IFI44L: variants seen among roughly 807,000 people sequenced by gnomAD.
The protein encoded by IFI44L is interferon-induced protein 44-like.
Under a neutral mutation model 39.3 loss-of-function variants are expected in IFI44L, and 40 were observed. That is an observed-to-expected ratio of 1.02 (90% CI 0.79 to 1.33). The LOEUF (loss-of-function observed/expected upper bound fraction) is 1.33, where lower values mean the gene tolerates loss of function less well. Ranked by LOEUF, IFI44L falls within the 40% of genes most tolerant of loss-of-function variation. IFI44L has a pLI of 0.00. For synonymous variants in IFI44L, 198 were observed against 182.3 expected (o/e 1.09, Z -0.69); for missense variants, 623 against 549.0 (o/e 1.13, Z -1.35).
chr1:78,623,146 A>G (rs181348128), intron 1 of IFI44L, among the ~76,000 whole-genome samples: 1 of 152,326 alleles, frequency 6.6e-6, no homozygotes, highest in Admixed American at 6.5e-5. Flanking sequence ...AGATGATTAT[A>G]CTTCCTTTAT....
chr1:78,622,122 A>G (rs983218336), intron 1 of IFI44L, among the ~76,000 whole-genome samples: 1 of 152,066 alleles, frequency 6.6e-6, no homozygotes, highest in African/African-American at 2.4e-5. Flanking sequence ...AGTATTTATC[A>G]TTATACTATC....
rs780017248 is a variant in IFI44L, at chr1:78,641,795, C to T, written c.1345C>T (p.Gln449Ter). The part of the protein sequence containing the change: ...EETGAIERAL[Q>*]PCI ...TTCAGGTGCAATTGAGAGAGCGTTACAGCCCTGCATTTGAGATAAGTTGCC... is the reference window on the plus strand; with the variant it reads ...TTCAGGTGCAATTGAGAGAGCGTTATAGCCCTGCATTTGAGATAAGTTGCC... The change falls in exon 9 of 9, where the codon CAG becomes TAG. Residue 449 changes from glutamine (Q) to a stop codon, truncating the protein, a stop_gained. Coordinates refer to ENST00000370751, the MANE Select transcript of IFI44L (RefSeq NM_006820.4). LOFTEE classifies it high-confidence loss of function. 3 of 1,613,694 alleles carry T rather than the reference C, an allele frequency of 1.9e-6. No individual in the cohort carries two copies. The highest frequency in any genetic ancestry group is 1.7e-5 in the Admixed American group (1 of 60,004).
In IFI44L at chr1:78,638,951, C is replaced by T. The variant is rs370131102; in HGVS notation, c.1048+1748C>T. 2.0e-4 allele frequency among the ~76,000 whole-genome samples: 31 copies of T among 152,196 alleles called. No individual in the cohort carries two copies. In the South Asian group the frequency reaches 5.8e-3, roughly 28 times the overall value. ...CTGGATCTTACATCTTGTGTTTTAGCAAACATATTCTGATACTGGTAAGAT... is the reference window on the plus strand; with the variant it reads ...CTGGATCTTACATCTTGTGTTTTAGTAAACATATTCTGATACTGGTAAGAT... On this transcript the variant is annotated intron_variant, in intron 6 of 8. Coordinates refer to ENST00000370751, the MANE Select transcript of IFI44L (RefSeq NM_006820.4).
Position 78,641,598 on chromosome 1 carries a change from T to C in IFI44L, c.1313T>C (p.Leu438Pro). The change falls in exon 8 of 9, where the codon CTT (leucine) becomes CCT (proline). Residue 438 changes from leucine (L) to proline (P), a missense_variant. Coordinates refer to ENST00000370751, the MANE Select transcript of IFI44L (RefSeq NM_006820.4). The stretch of plus-strand genomic sequence containing the variant: ...GATGATTTTTTAGAAGATTTGCCTC[T>C]TGAGGAAACTGGTAATCTGGCCCTT... Reference protein sequence around the residue: ...AADDFLEDLPLEETGAIERAL... With the variant: ...AADDFLEDLPPEETGAIERAL... 3 of 1,613,492 alleles carry C rather than the reference T, an allele frequency of 1.9e-6. No homozygotes were observed. The highest frequency in any genetic ancestry group is 2.5e-6 in the Non-Finnish European group (3 of 1,179,536).
In IFI44L at chr1:78,643,548, A is replaced by G. The variant is rs561092006; in HGVS notation, c.*1739A>G. On this transcript the variant is annotated 3_prime_UTR_variant, in exon 9 of 9. Transcript: ENST00000370751. ...AAGAGAAAGGCAGGTAAGGTGCTGAAGGTCTGGAGCTGCTGATTTGTTGGG... is the reference window on the plus strand; with the variant it reads ...AAGAGAAAGGCAGGTAAGGTGCTGAGGGTCTGGAGCTGCTGATTTGTTGGG... 1 of 152,120 alleles carries G rather than the reference A, an allele frequency of 6.6e-6. No homozygotes were observed. The highest frequency in any genetic ancestry group is 6.6e-5 in the Admixed American group (1 of 15,266). 9.4% of individuals were successfully genotyped at this position (152,120 alleles called of 1,614,324 possible). A position where few individuals can be genotyped will look rare whatever the true frequency, so the allele number is the denominator to read the frequency against.
rs546691087 is a variant in IFI44L at position 78,628,292 on chromosome 1, G to C, written c.377G>C (p.Arg126Pro). Reference protein sequence around the residue: ...LSKTDIFIICRDNKIYLDKMI... With the variant: ...LSKTDIFIICPDNKIYLDKMI... ...AAAACGGATATTTTCATTATATGTC[G>C]AGATAATAAAATTTATCTAGATAAA... The change falls in exon 2 of 9, where the codon CGA becomes CCA. Residue 126 changes from arginine (R) to proline (P), a missense_variant. Arg to Pro is a moderately radical substitution (Grantham distance 103). Coordinates refer to ENST00000370751, the MANE Select transcript of IFI44L (RefSeq NM_006820.4). 1.9e-6 allele frequency: 3 copies of C among 1,603,064 alleles called. No individual in the cohort carries two copies. The South Asian group carries it at 3.3e-5, about 18-fold the overall frequency.
chr1:78,632,128 C>A (rs375605554), intron 4 of IFI44L, among the ~76,000 whole-genome samples: 202 of 152,210 alleles, frequency 1.3e-3, no homozygotes, highest in African/African-American at 4.7e-3. Context: ...GTTAACTGAA[C>A]TTTTTTTAAA....
rs1305219603 is a variant in IFI44L at position 78,628,030 on chromosome 1, G to A, written c.115G>A (p.Asp39Asn). 1.2e-6 allele frequency: 2 copies of A among 1,613,258 alleles called. No homozygotes were observed. Among genetic ancestry groups the A allele is most frequent in the Non-Finnish European group, 1.7e-6 (2 of 1,179,476 alleles). The part of the protein sequence containing the change: ...KSSVHGGSIE[D>N]MVERCSRQGC... ...TAGTGTTCATGGAGGTAGCATTGAA[G>A]ATATGGTTGAAAGATGCAGCCGTCA... is the stretch of plus-strand genomic sequence containing the variant. The change falls in exon 2 of 9, where the codon GAT becomes AAT. Residue 39 changes from aspartate to asparagine, a missense_variant. Physicochemically the swap from Asp to Asn is conservative, Grantham distance 23. Transcript: ENST00000370751.
chr1:78,641,589 A>T lies in IFI44L; in HGVS notation c.1304A>T (p.Asp435Val). Residue 435 changes from aspartate to valine, a missense_variant, in exon 8 of 9, where the codon GAT (aspartate) becomes GTT (valine). By Grantham distance (152) the Asp-to-Val change is radical (BLOSUM62 -3). Coordinates refer to ENST00000370751, the MANE Select transcript of IFI44L (RefSeq NM_006820.4). ...MLRAADDFLE[D>V]LPLEETGAIE... ...CGGGCTGCAGATGATTTTTTAGAAG[A>T]TTTGCCTCTTGAGGAAACTGGTAAT... The T allele has an allele frequency of 6.2e-7, 1 of 1,613,480 alleles. No homozygotes were observed. Among genetic ancestry groups the T allele is most frequent in the Non-Finnish European group, 8.5e-7 (1 of 1,179,578 alleles).
chr1:78,639,594 C>G (rs1653081634), intron 6 of IFI44L, among the ~76,000 whole-genome samples: 1 of 152,026 alleles, frequency 6.6e-6, no homozygotes, highest in South Asian at 2.1e-4. Flanking sequence ...TTTCTTGGGT[C>G]TCAAGGTCTC....
rs1652553603 is a variant in IFI44L at position 78,627,928 on chromosome 1, A to G, written c.13A>G (p.Thr5Ala). ...TAGATATAGAACAATGGAAGTGACA[A>G]CAAGATTGACATGGAATGATGAAAA... is the stretch of plus-strand genomic sequence containing the variant. Reference protein sequence around the residue: MEVTTRLTWNDENHL... With the variant: MEVTARLTWNDENHL... The change falls in exon 2 of 9, where the codon ACA becomes GCA. Residue 5 changes from threonine (T) to alanine (A), a missense_variant. Transcript: ENST00000370751. The G allele has an allele frequency of 1.3e-6, 2 of 1,594,438 alleles. No individual in the cohort carries two copies. The highest frequency in any genetic ancestry group is 2.3e-5 in the East Asian group (1 of 44,352).
At chr1:78,628,716 T>C (rs2100484681) in intron 2 of IFI44L, 1 of 530,522 alleles carries the variant, frequency 1.9e-6, no homozygotes, top group Admixed American at 3.6e-5. Flanking sequence ...ATCAGACCCT[T>C]ATATGACCCT....
chr1:78,633,648 A>T (rs1455290244), intron 4 of IFI44L, among the ~76,000 whole-genome samples: 9 of 152,208 alleles, frequency 5.9e-5, no homozygotes, highest in Admixed American at 5.9e-4. Flanking sequence ...ATGTTTATAC[A>T]TTGACACATT....
intron 1 of IFI44L, chr1:78,626,237 A>G (rs1652482137): frequency 6.6e-6 from 1 of 151,864 alleles, no homozygotes; most frequent in African/African-American, 2.4e-5. Flanking sequence ...TCAGATATAT[A>G]TTTTTACATA....
rs533027357 is a variant in IFI44L at position 78,640,170 on chromosome 1, T to A, written c.1049-851T>A. 2.0e-5 allele frequency among the ~76,000 whole-genome samples: 3 copies of A among 152,276 alleles called. No homozygotes were observed. In the South Asian group the frequency reaches 6.2e-4, roughly 32 times the overall value. ...TTTTCAAGGATGTATGGCAACACAT[T>A]GTCCTTGGCGTGCTGGATGGCAATG... On this transcript the variant is annotated intron_variant, in intron 6 of 8. Coordinates refer to ENST00000370751, the MANE Select transcript of IFI44L (RefSeq NM_006820.4).
chr1:78,637,523 A>C (rs1044065112), intron 6 of IFI44L, among the ~76,000 whole-genome samples: 1 of 152,112 alleles, frequency 6.6e-6, no homozygotes, highest in African/African-American at 2.4e-5. Flanking sequence ...ATGTGTGTTT[A>C]TAGTTCTATG....
rs1367397714 is a variant in IFI44L at position 78,643,160 on chromosome 1, T to TTTTTTTTTTTTTTTTTTTTTTTTTG, written c.*1351_*1352insTTTTTTTTTTTTTTTTTTTTTTTTG. The TTTTTTTTTTTTTTTTTTTTTTTTTG allele has an allele frequency of 2.6e-5, 4 of 151,984 alleles. No homozygotes were observed. Among genetic ancestry groups the TTTTTTTTTTTTTTTTTTTTTTTTTG allele is most frequent in the Admixed American group, 6.6e-5 (1 of 15,220 alleles). 9.4% of individuals were successfully genotyped at this position (151,984 alleles called of 1,614,324 possible). Reference sequence around the variant, plus strand: ...AGATATTAAGAAAGCAAGAGTTTCTTATGTCCAGTTATGGAATATTTCCTA... The same window carrying TTTTTTTTTTTTTTTTTTTTTTTTTG: ...AGATATTAAGAAAGCAAGAGTTTCTTTTTTTTTTTTTTTTTTTTTTTTTTGATGTCCAGTTATGGAATATTTCCTA... On this transcript the variant is annotated 3_prime_UTR_variant, in exon 9 of 9. Transcript: ENST00000370751.
In IFI44L at chr1:78,627,919, G is replaced by C. The variant is rs1458375868; in HGVS notation, c.4G>C (p.Glu2Gln). The change falls in exon 2 of 9, where the codon GAA (glutamate) becomes CAA (glutamine). Residue 2 changes from glutamate to glutamine, a missense_variant. By Grantham distance (29) the Glu-to-Gln change is conservative (BLOSUM62 2). Coordinates refer to ENST00000370751, the MANE Select transcript of IFI44L (RefSeq NM_006820.4). Reference sequence around the variant, plus strand: ...TTTTTCCATTAGATATAGAACAATGGAAGTGACAACAAGATTGACATGGAA... The same window carrying C: ...TTTTTCCATTAGATATAGAACAATGCAAGTGACAACAAGATTGACATGGAA... The part of the protein sequence containing the change: M[E>Q]VTTRLTWNDE... 6.3e-7 allele frequency: 1 copy of C among 1,583,274 alleles called. No individual in the cohort carries two copies. Among genetic ancestry groups the C allele is most frequent in the Admixed American group, 1.8e-5 (1 of 56,260 alleles).
At position 78,629,702 on chromosome 1, in the gene IFI44L, A is replaced by C; in HGVS notation, c.528-18A>C. On this transcript the variant is annotated intron_variant, in intron 3 of 8. Coordinates refer to ENST00000370751, the MANE Select transcript of IFI44L (RefSeq NM_006820.4). ...ATTGGCTGTTCTGATGCTGTATTTA[A>C]CCACTATATTTTAACAGGCACAGAA... The C allele has an allele frequency of 1.3e-6, 2 of 1,588,426 alleles. No homozygotes were observed. The highest frequency in any genetic ancestry group is 1.7e-6 in the Non-Finnish European group (2 of 1,162,862).
Sources: allele counts gnomAD v4.1 joint callset (sites outside exome capture counted in the v4.1 genomes callset), GRCh38; gene constraint gnomAD v4.1.1; transcripts MANE v1.5; gene names NCBI Gene and HGNC (gene_info 2026-07-23, HGNC 2026-07-21).